Variants in LAMA4 observed in about 807,000 individuals in gnomAD.
LAMA4 encodes laminin subunit alpha 4.
A neutral mutation model predicts 207.1 loss-of-function variants in LAMA4; 127 were observed. The ratio of observed to expected loss-of-function variants is 0.61; its 90% CI spans 0.53 to 0.71. The LOEUF is 0.71. Among genes scored for constraint, LAMA4 ranks in the 30% least tolerant of loss-of-function variants. The pLI is 0.00. For synonymous variants in LAMA4, 761 were observed against 816.0 expected, an observed-to-expected ratio of 0.93 and a Z score of 1.15; for missense variants, 2,093 against 2,246.5, an observed-to-expected ratio of 0.93 and a Z score of 1.38.
intron 3 of LAMA4, chr6:112,213,892 A>G: frequency 1.9e-6 from 1 of 526,152 alleles, no homozygotes. Flanking sequence ...TTGGTTGCTT[A>G]CAGGAAATGA....
At chr6:112,252,402 A>C (rs1315601873) in intron 2 of LAMA4, among the ~76,000 whole-genome samples, 1 of 152,224 alleles carries the variant, frequency 6.6e-6, no homozygotes, top group Non-Finnish European at 1.5e-5. Context: ...TCTAAAACTC[A>C]AAAAATTACT....
chr6:112,158,444 C>T (rs1306004085), intron 14 of LAMA4: 9 of 400,714 alleles, frequency 2.2e-5, no homozygotes, highest in African/African-American at 1.0e-4. Flanking sequence ...CCCCTCTTCC[C>T]GGAACACAGA....
chr6:112,247,676 A>G (rs782071008), intron 2 of LAMA4, among the ~76,000 whole-genome samples: 2 of 152,156 alleles, frequency 1.3e-5, no homozygotes, highest in African/African-American at 2.4e-5. Context: ...CCTGGCCCCT[A>G]TAAGACTCCA....
intron 13 of LAMA4, among the ~76,000 whole-genome samples, chr6:112,159,243 G>A (rs1780908362): frequency 1.3e-5 from 2 of 152,150 alleles, no homozygotes; most frequent in Non-Finnish European, 2.9e-5. Context: ...GTTTATATAT[G>A]TTGTCTCTAT....
intron 17 of LAMA4, among the ~76,000 whole-genome samples, chr6:112,148,810 C>T (rs1583718284): frequency 6.6e-6 from 1 of 151,756 alleles, no homozygotes; most frequent in African/African-American, 2.4e-5. Context: ...AAATTTACAA[C>T]AAAAAATTTT....
intron 38 of LAMA4, 63 bp downstream of exon 38, chr6:112,114,013 A>T (rs1777859027): frequency 6.3e-7 from 1 of 1,586,588 alleles, no homozygotes; most frequent in Non-Finnish European, 8.7e-7. Flanking sequence ...TCAATTCTAC[A>T]ATAACAATTG....
Position 112,119,071 on chromosome 6 carries a change from T to C in LAMA4, c.4821+85A>G, listed in dbSNP as rs1778194105. ...AGTTTTACTGGTGCTAGTTTCTAGT[T>C]TCCTAATCTGTGAGACGAGGGCCTC... On this transcript the variant is annotated intron_variant, in intron 34 of 38. Coordinates refer to ENST00000230538, the MANE Select transcript of LAMA4 (RefSeq NM_001105206.3). 2.9e-6 allele frequency: 4 copies of C among 1,387,762 alleles called. No homozygotes were observed. In the South Asian group the frequency reaches 3.5e-5, roughly 12 times the overall value. 86.0% of individuals were successfully genotyped at this position (1,387,762 alleles called of 1,614,324 possible).
At chr6:112,143,490 G>A (rs1228538505) in intron 19 of LAMA4, among the ~76,000 whole-genome samples, 1 of 152,078 alleles carries the variant, frequency 6.6e-6, no homozygotes, top group African/African-American at 2.4e-5. Context: ...TGCCATGTTG[G>A]CCAGGCTGGT....
At chr6:112,159,037 T>C (rs1480720178) in intron 13 of LAMA4, 157 bp from the exon 14 acceptor site, 45 of 620,664 alleles carry the variant, frequency 7.3e-5, no homozygotes, top group Admixed American at 1.6e-4. Flanking sequence ...TATATGTCTA[T>C]TTATCCCGCA....
chr6:112,166,861 T>G (rs1781411154), intron 12 of LAMA4, among the ~76,000 whole-genome samples: 1 of 152,018 alleles, frequency 6.6e-6, no homozygotes, highest in Admixed American at 6.5e-5. Flanking sequence ...ATATTACATA[T>G]GCAAAAAAAT....
intron 11 of LAMA4, 108 bp from the exon 12 acceptor site, chr6:112,172,912 A>G (rs1473257252): frequency 1.4e-5 from 11 of 804,506 alleles, no homozygotes; most frequent in Non-Finnish European, 2.1e-5. Context: ...CTTCTTTAGC[A>G]ATGGAGATTG....
At chr6:112,158,504 A>C (rs897110981) in intron 14 of LAMA4, among the ~76,000 whole-genome samples, 32 of 152,066 alleles carry the variant, frequency 2.1e-4, no homozygotes, top group African/African-American at 7.7e-4. Flanking sequence ...GCTCCCCCAA[A>C]CAATTGCAAT....
chr6:112,253,732 T>C, intron 2 of LAMA4: 1 of 1,612,612 alleles, frequency 6.2e-7, no homozygotes. Flanking sequence ...CTCTCACCCC[T>C]TTGAGCAGAC....
chr6:112,162,033 G>A (rs6913656), intron 13 of LAMA4: 95,120 of 152,076 alleles, frequency 0.63, 30,198 homozygotes, highest in Middle Eastern at 0.74. Context: ...TTAAAGGATT[G>A]TTCTGCTACT....
In LAMA4 at chr6:112,141,556, A is replaced by G. The variant is rs1779696699; in HGVS notation, c.2668-53T>C. 3 of 1,354,878 alleles carry G rather than the reference A, an allele frequency of 2.2e-6. No individual in the cohort carries two copies. In the Admixed American group the frequency reaches 5.1e-5, roughly 23 times the overall value. 83.9% of individuals were successfully genotyped at this position (1,354,878 alleles called of 1,614,324 possible). ...TTAAATAAAATTCATAAGAATGAAC[A>G]TCATCTTTTTTAAAGGACAATCAGA... is the stretch of plus-strand genomic sequence containing the variant. On this transcript the variant is annotated intron_variant, in intron 20 of 38. Coordinates refer to ENST00000230538, the MANE Select transcript of LAMA4 (RefSeq NM_001105206.3).
At position 112,139,664 on chromosome 6, in the gene LAMA4, T is replaced by C. The variant is rs1779568715; in HGVS notation, c.3110+88A>G. On this transcript the variant is annotated intron_variant, in intron 23 of 38. Coordinates refer to ENST00000230538, the MANE Select transcript of LAMA4 (RefSeq NM_001105206.3). ...AAAACTGGCTTCCCCAAAGAAAAGTTTGAGAACCTGAATATTGACTCATAC... is the reference window on the plus strand; with the variant it reads ...AAAACTGGCTTCCCCAAAGAAAAGTCTGAGAACCTGAATATTGACTCATAC... 5 of 1,524,804 alleles carry C rather than the reference T, an allele frequency of 3.3e-6. No individual in the cohort carries two copies. The South Asian group carries it at 3.4e-5, about 10-fold the overall frequency. 94.5% of individuals were successfully genotyped at this position (1,524,804 alleles called of 1,614,324 possible). A position where few individuals can be genotyped will look rare whatever the true frequency, so the allele number is the denominator to read the frequency against.
chr6:112,232,627 C>G (rs1267202817), intron 2 of LAMA4, among the ~76,000 whole-genome samples: 1 of 152,112 alleles, frequency 6.6e-6, no homozygotes, highest in African/African-American at 2.4e-5. Flanking sequence ...ATTTTGCCCC[C>G]AGATAACTGT....
At chr6:112,145,942 C>T (rs1053888928) in intron 18 of LAMA4, among the ~76,000 whole-genome samples, 6 of 152,080 alleles carry the variant, frequency 3.9e-5, no homozygotes, top group Admixed American at 6.6e-5. Context: ...TTGTTTTCCA[C>T]CTTTTTTCCT....
In LAMA4 at chr6:112,183,859, G is replaced by A. The variant is rs1457517883; in HGVS notation, c.1077+1378C>T. Among the ~76,000 whole-genome samples the A allele has an allele frequency of 2.7e-5, 4 of 148,662 alleles. No individual in the cohort carries two copies. The South Asian group carries it at 6.4e-4, about 24-fold the overall frequency. On this transcript the variant is annotated intron_variant, in intron 9 of 38. Coordinates refer to ENST00000230538, the MANE Select transcript of LAMA4 (RefSeq NM_001105206.3). The stretch of plus-strand genomic sequence containing the variant: ...CCAGCTACCCAGGAGGCTGAGGCAG[G>A]AGAATCACTGGAACCCGGGAGGCGG...
Sources: allele counts gnomAD v4.1 joint callset (sites outside exome capture counted in the v4.1 genomes callset), GRCh38; gene constraint gnomAD v4.1.1; transcripts MANE v1.5; gene names NCBI Gene and HGNC (gene_info 2026-07-23, HGNC 2026-07-21).